Variants in ROR2 observed in about 807,000 individuals in gnomAD.
The protein encoded by ROR2 is tyrosine-protein kinase transmembrane receptor ROR2.
Under a neutral mutation model 74.9 loss-of-function variants are expected in ROR2, and 33 were observed. The observed-to-expected ratio is 0.44, with a 90% CI of 0.33 to 0.59. The LOEUF (loss-of-function observed/expected upper bound fraction) is 0.59, where lower values mean the gene tolerates loss of function less well. ROR2 is among the 20% of genes least tolerant of loss of function. The probability of loss-of-function intolerance (pLI) is 0.02; values close to 1 mark genes in which losing one functional copy is unlikely to be tolerated. For missense variants in ROR2, 1,216 were observed against 1,313.8 expected (o/e 0.93, Z 1.15); for synonymous variants, 586 against 558.7 (o/e 1.05, Z -0.69).
intron 2 of ROR2, among the ~76,000 whole-genome samples, chr9:91,763,228 C>A (rs1293585099): frequency 6.6e-6 from 1 of 152,146 alleles, no homozygotes; most frequent in Non-Finnish European, 1.5e-5. Context: ...GGGTACTATG[C>A]TCATTACCTA....
chr9:91,815,242 A>G (rs1375493538), intron 1 of ROR2, among the ~76,000 whole-genome samples: 4 of 152,226 alleles, frequency 2.6e-5, no homozygotes, highest in Admixed American at 1.3e-4. Flanking sequence ...TATGCATTAC[A>G]TTTTAAAATG....
At chr9:91,777,078 C>CTT (rs1471856292) in intron 1 of ROR2, among the ~76,000 whole-genome samples, 1 of 152,156 alleles carries the variant, frequency 6.6e-6, no homozygotes. Flanking sequence ...AGAACTGACA[C>CTT]TTTAAGTTTC....
intron 1 of ROR2, among the ~76,000 whole-genome samples, chr9:91,927,746 T>G (rs1269100055): frequency 6.6e-6 from 1 of 151,876 alleles, no homozygotes; most frequent in Admixed American, 6.6e-5. Flanking sequence ...TGTATTTTAG[T>G]AGAGACGGGG....
chr9:91,948,567 C>G (rs949119602), intron 1 of ROR2: 85 of 985,114 alleles, frequency 8.6e-5, no homozygotes, highest in Middle Eastern at 5.2e-4. Flanking sequence ...ACTAAAACCC[C>G]CCCCCAGGAA....
chr9:91,872,585 G>GGTGTGTTTAT (rs1262000331), intron 1 of ROR2, among the ~76,000 whole-genome samples: 6 of 152,126 alleles, frequency 3.9e-5, no homozygotes, highest in African/African-American at 1.4e-4. Flanking sequence ...CCTTGGGGCT[G>GGTGTGTTTAT]GTGTGTTTAT....
At chr9:91,889,240 C>G (rs1830364179) in intron 1 of ROR2, among the ~76,000 whole-genome samples, 2 of 152,292 alleles carry the variant, frequency 1.3e-5, no homozygotes, top group Middle Eastern at 3.4e-3. Flanking sequence ...GTGTGGGACC[C>G]ACTCCCAAGC....
chr9:91,912,956 C>T (rs1012054026), intron 1 of ROR2, among the ~76,000 whole-genome samples: 1 of 152,178 alleles, frequency 6.6e-6, no homozygotes, highest in African/African-American at 2.4e-5. Context: ...TGGCGAAACC[C>T]TGTCTCTACT....
intron 1 of ROR2, among the ~76,000 whole-genome samples, chr9:91,794,593 CTTTTTTCT>C (rs1827109686): frequency 6.6e-6 from 1 of 152,048 alleles, no homozygotes; most frequent in South Asian, 2.1e-4. Context: ...TTGTCTTTCT[CTTTTTTCT>C]TGAGGCAGAG....
intron 2 of ROR2, among the ~76,000 whole-genome samples, chr9:91,757,974 C>G (rs1214065230): frequency 2.0e-5 from 3 of 152,158 alleles, no homozygotes; most frequent in Admixed American, 6.5e-5. Context: ...TAAGGCATGT[C>G]GCAGCTTTCT....
chr9:91,897,568 G>T (rs903667238), intron 1 of ROR2, among the ~76,000 whole-genome samples: 7 of 151,548 alleles, frequency 4.6e-5, no homozygotes, highest in African/African-American at 7.3e-5. Context: ...GGAAGTGGGT[G>T]GGGGGGTATT....
chr9:91,933,261 A>G (rs1831597868), intron 1 of ROR2, among the ~76,000 whole-genome samples: 1 of 152,226 alleles, frequency 6.6e-6, no homozygotes. Flanking sequence ...GGTTGCAGTG[A>G]GCCGAGATTG....
At chr9:91,942,539 G>C (rs1182966598) in intron 1 of ROR2, among the ~76,000 whole-genome samples, 1 of 152,108 alleles carries the variant, frequency 6.6e-6, no homozygotes, top group African/African-American at 2.4e-5. Context: ...TTATCAGTTG[G>C]CACTTTGCTC....
At chr9:91,947,646 G>A (rs1042095528) in intron 1 of ROR2, among the ~76,000 whole-genome samples, 3 of 152,072 alleles carry the variant, frequency 2.0e-5, no homozygotes, top group East Asian at 1.9e-4. Flanking sequence ...ATGCTCCATC[G>A]TTCCCCACCT....
In ROR2 at chr9:91,724,711, G is replaced by T. The variant is rs920706995; in HGVS notation, c.1783C>A (p.Leu595Ile). ...SALEPPDFVH[L>I]VAQIAAGMEY... is the part of the protein sequence containing the mutation. ...ATCCCCGCCGCGATCTGTGCCACAAGGTGCACGAAGTCGGGGGGCTCCAGG... is the reference window on the plus strand; with the variant it reads ...ATCCCCGCCGCGATCTGTGCCACAATGTGCACGAAGTCGGGGGGCTCCAGG... The change falls in exon 9 of 9, where the codon CTT becomes ATT. Residue 595 changes from leucine (L) to isoleucine (I), a missense_variant. Transcript: ENST00000375708. 1 of 1,614,222 alleles carries T rather than the reference G, an allele frequency of 6.2e-7. No individual in the cohort carries two copies. The highest frequency in any genetic ancestry group is 8.5e-7 in the Non-Finnish European group (1 of 1,180,044).
chr9:91,860,312 G>C (rs992272006), intron 1 of ROR2, among the ~76,000 whole-genome samples: 3 of 152,158 alleles, frequency 2.0e-5, no homozygotes, highest in Non-Finnish European at 2.9e-5. Context: ...GCACCCCAAG[G>C]CTCCCTGGAT....
intron 1 of ROR2, among the ~76,000 whole-genome samples, chr9:91,876,369 C>CAA (rs34524843): frequency 1.8e-4 from 27 of 146,552 alleles, no homozygotes; most frequent in Admixed American, 2.7e-4. Context: ...ACTCTGTCTC[C>CAA]AAAAAAAAAA....
chr9:91,744,720 T>G (rs935412739), intron 4 of ROR2, among the ~76,000 whole-genome samples: 1 of 152,212 alleles, frequency 6.6e-6, no homozygotes, highest in Non-Finnish European at 1.5e-5. Context: ...AGCAGAACCT[T>G]GGAAATACTG....
intron 1 of ROR2, among the ~76,000 whole-genome samples, chr9:91,886,270 T>C (rs912892663): frequency 5.3e-5 from 8 of 152,010 alleles, no homozygotes; most frequent in Admixed American, 2.0e-4. Flanking sequence ...GAGGAGGCCA[T>C]GTGAACAGCC....
intron 1 of ROR2, among the ~76,000 whole-genome samples, chr9:91,842,360 T>C (rs1278218573): frequency 6.6e-6 from 1 of 152,188 alleles, no homozygotes; most frequent in African/African-American, 2.4e-5. Context: ...CATGCATGTG[T>C]TATCTCCTTT....
Sources: gnomAD v4.1 joint callset for allele counts (sites outside exome capture counted in the v4.1 genomes callset) on GRCh38, gnomAD v4.1.1 for gene constraint, MANE v1.5 for transcripts, NCBI Gene and HGNC (gene_info 2026-07-23, HGNC 2026-07-21) for gene names.